The following NPLOC4 variants were observed in gnomAD, a reference collection of about 807,000 sequenced individuals.
The protein encoded by NPLOC4 is NPL4 homolog, ubiquitin recognition factor.
A neutral mutation model predicts 80.6 loss-of-function variants in NPLOC4; 18 were observed. The ratio of observed to expected loss-of-function variants is 0.22; its 90% CI spans 0.15 to 0.33. The LOEUF (loss-of-function observed/expected upper bound fraction) is 0.33, where lower values mean the gene tolerates loss of function less well. Ranked by LOEUF, NPLOC4 falls within the 10% of genes least tolerant of loss-of-function variation. The probability of loss-of-function intolerance (pLI) is 1.00; values close to 1 mark genes in which losing one functional copy is unlikely to be tolerated. For missense variants in NPLOC4, 540 were observed against 786.1 expected (o/e 0.69, Z 3.74); for synonymous variants, 313 against 301.5 (o/e 1.04, Z -0.39).
At chr17:81,581,316 T>TCC (rs1346924958) in intron 12 of NPLOC4, among the ~76,000 whole-genome samples, 1 of 122,382 alleles carries the variant, frequency 8.2e-6, no homozygotes, top group Non-Finnish European at 1.6e-5. Flanking sequence ...GCCACTGCAT[T>TCC]CCAGCCTGGG....
At chr17:81,579,434 T>G (rs1355319883) in intron 12 of NPLOC4, among the ~76,000 whole-genome samples, 3 of 152,100 alleles carry the variant, frequency 2.0e-5, no homozygotes, top group Non-Finnish European at 4.4e-5. Context: ...TTTGAGACCC[T>G]CCTGCTGCCA....
At chr17:81,602,707 TA>T (rs112330164) in intron 8 of NPLOC4, among the ~76,000 whole-genome samples, 18,281 of 127,420 alleles carry the variant, frequency 0.14, 1,285 homozygotes, top group Admixed American at 0.24. Flanking sequence ...GTCTCAAAAT[TA>T]AAAAAAAAAA....
At chr17:81,623,011 A>G (rs2035705747) in intron 2 of NPLOC4, among the ~76,000 whole-genome samples, 1 of 151,726 alleles carries the variant, frequency 6.6e-6, no homozygotes, top group African/African-American at 2.4e-5. Context: ...CCTGACCAAC[A>G]TGGTGAATCC....
At chr17:81,616,320 CA>C (rs56118520) in intron 3 of NPLOC4, among the ~76,000 whole-genome samples, 7,685 of 38,280 alleles carry the variant, frequency 0.2, 334 homozygotes, top group East Asian at 0.48. Flanking sequence ...GACTCTGTCT[CA>C]AAAAAAAAAA....
chr17:81,573,385 T>C (rs561619284), intron 12 of NPLOC4: 39 of 152,256 alleles, frequency 2.6e-4, no homozygotes, highest in African/African-American at 9.4e-4. Flanking sequence ...TCTGAGACAA[T>C]CATCACAAGC....
At chr17:81,622,126 T>C (rs1468381815) in intron 3 of NPLOC4, 40 bp downstream of exon 3, 1 of 1,447,286 alleles carries the variant, frequency 6.9e-7, no homozygotes, top group South Asian at 1.1e-5. Flanking sequence ...GGGGACCTCA[T>C]TTCCCCCCAT....
At chr17:81,594,619 C>T (rs1358155716) in intron 11 of NPLOC4, among the ~76,000 whole-genome samples, 1 of 151,180 alleles carries the variant, frequency 6.6e-6, no homozygotes, top group Non-Finnish European at 1.5e-5. Flanking sequence ...ACTAAAAATA[C>T]AAAAAATTAG....
At chr17:81,593,769 G>A (rs1168687824) in intron 11 of NPLOC4, among the ~76,000 whole-genome samples, 2 of 151,478 alleles carry the variant, frequency 1.3e-5, no homozygotes. Flanking sequence ...TGACATGAGC[G>A]CCTTTGTTCT....
chr17:81,587,575 A>T (rs1424355732), intron 12 of NPLOC4, among the ~76,000 whole-genome samples: 2 of 143,760 alleles, frequency 1.4e-5, no homozygotes, highest in Non-Finnish European at 3.0e-5. Context: ...TCAGCCTCCG[A>T]AAGGGCTGGG....
At chr17:81,611,629 T>C (rs111494113) in intron 4 of NPLOC4, among the ~76,000 whole-genome samples, 68,861 of 151,398 alleles carry the variant, frequency 0.45, 16,773 homozygotes, top group Non-Finnish European at 0.55. Flanking sequence ...GGATTACAGG[T>C]GTGAGCAACT....
intron 2 of NPLOC4, among the ~76,000 whole-genome samples, chr17:81,624,675 A>C (rs1008856864): frequency 6.6e-6 from 1 of 152,236 alleles, no homozygotes; most frequent in African/African-American, 2.4e-5. Flanking sequence ...CAAAGTCAAC[A>C]AAGGTCGAAA....
intron 11 of NPLOC4, among the ~76,000 whole-genome samples, chr17:81,594,376 G>A (rs966732030): frequency 2.0e-5 from 3 of 149,402 alleles, no homozygotes; most frequent in African/African-American, 2.5e-5. Flanking sequence ...TGTGAAAGAT[G>A]CCTATCACCC....
chr17:81,634,856 T>A (rs947211329), intron 1 of NPLOC4, among the ~76,000 whole-genome samples: 1 of 152,158 alleles, frequency 6.6e-6, no homozygotes, highest in East Asian at 1.9e-4. Context: ...GTGCTGGGAT[T>A]ACAGGCGTGA....
chr17:81,637,023 C>T lies in NPLOC4; in HGVS notation c.-93G>A. 1 of 798,572 alleles carries T rather than the reference C, an allele frequency of 1.3e-6. No individual in the cohort carries two copies. The highest frequency in any genetic ancestry group is 1.6e-6 in the Non-Finnish European group (1 of 606,740). 49.5% of individuals were successfully genotyped at this position (798,572 alleles called of 1,614,324 possible). A position where few individuals can be genotyped will look rare whatever the true frequency, so the allele number is the denominator to read the frequency against. On this transcript the variant is annotated 5_prime_UTR_variant, in exon 1 of 17. Coordinates refer to ENST00000331134, the MANE Select transcript of NPLOC4 (RefSeq NM_017921.4). ...GACCCGGCCGCGGCCTCAGCCCCGG[C>T]CCCGGCCTCCCTACGCCGCCGCCAC... is the stretch of plus-strand genomic sequence containing the variant.
intron 2 of NPLOC4, among the ~76,000 whole-genome samples, chr17:81,626,207 T>G (rs1221752449): frequency 1.4e-5 from 2 of 145,006 alleles, no homozygotes; most frequent in African/African-American, 5.2e-5. Context: ...TCTCAGTTAC[T>G]CGGGAGGCTG....
chr17:81,612,090 AAATAAC>A (rs2035356875), intron 4 of NPLOC4, among the ~76,000 whole-genome samples: 2 of 152,148 alleles, frequency 1.3e-5, no homozygotes, highest in Admixed American at 1.3e-4. Context: ...GCATTTTGGG[AAATAAC>A]AACAATGAAA....
At position 81,598,094 on chromosome 17, in the gene NPLOC4, C is replaced by CAA. The variant is rs71367068; in HGVS notation, c.922-780_922-779dup. 2.3e-3 allele frequency among the ~76,000 whole-genome samples: 199 copies of CAA among 88,206 alleles called. 2 individuals are homozygous for CAA. The highest frequency in any genetic ancestry group is 4.7e-3 in the Admixed American group (37 of 7,918). 57.9% of individuals were successfully genotyped at this position (88,206 alleles called of 152,430 possible). A position where few individuals can be genotyped will look rare whatever the true frequency, so the allele number is the denominator to read the frequency against. Reference sequence around the variant, plus strand: ...TGGCCCACAGAGCAAGACTCTGTCTCAAAAAAAAAAAAAAAAAAAAAGATA... The same window carrying CAA: ...TGGCCCACAGAGCAAGACTCTGTCTCAAAAAAAAAAAAAAAAAAAAAAAGATA... On this transcript the variant is annotated intron_variant, in intron 9 of 16. Transcript: ENST00000331134.
intron 12 of NPLOC4, among the ~76,000 whole-genome samples, chr17:81,575,554 T>A (rs2034275366): frequency 6.6e-6 from 1 of 152,256 alleles, no homozygotes; most frequent in East Asian, 1.9e-4. Flanking sequence ...CAGGCACTAC[T>A]GCTGTCCAAG....
At chr17:81,623,611 A>G (rs1301116011) in intron 2 of NPLOC4, among the ~76,000 whole-genome samples, 1 of 151,182 alleles carries the variant, frequency 6.6e-6, no homozygotes, top group Non-Finnish European at 1.5e-5. Context: ...ATCCTGGCTA[A>G]CACGGTGAAA....
Sources: gnomAD v4.1 joint callset for allele counts (sites outside exome capture counted in the v4.1 genomes callset) on GRCh38, gnomAD v4.1.1 for gene constraint, MANE v1.5 for transcripts, NCBI Gene and HGNC (gene_info 2026-07-23, HGNC 2026-07-21) for gene names.